Variants in LAMA3 observed in about 807,000 individuals in gnomAD.
The protein encoded by LAMA3 is laminin subunit alpha 3.
LAMA3 carries 281 observed loss-of-function variants against 402.0 expected under a neutral mutation model. That is an observed-to-expected ratio of 0.70 (90% CI 0.63 to 0.77). The LOEUF (loss-of-function observed/expected upper bound fraction) is 0.77. LAMA3 is among the 30% of genes least tolerant of loss of function. The probability of loss-of-function intolerance (pLI) is 0.00; values close to 1 mark genes in which losing one functional copy is unlikely to be tolerated. For missense variants in LAMA3, 3,840 were observed against 4,215.5 expected, an observed-to-expected ratio of 0.91 and a Z score of 2.47; for synonymous variants, 1,431 against 1,558.4, an observed-to-expected ratio of 0.92 and a Z score of 1.93.
chr18:23,807,945 A>G lies in LAMA3; in HGVS notation c.1604-2421A>G, dbSNP rs558936572. 2.9e-4 allele frequency among the ~76,000 whole-genome samples: 44 copies of G among 152,304 alleles called. No individual in the cohort carries two copies. The East Asian group carries it at 7.9e-3, about 27-fold the overall frequency. ...AACCTCTGCAGACAGGCCAGCTGGG[A>G]CTATGGGCCATGAGAGAAGACAGGT... On this transcript the variant is annotated intron_variant, in intron 12 of 74. Coordinates refer to ENST00000313654, the MANE Select transcript of LAMA3 (RefSeq NM_198129.4).
intron 7 of LAMA3, among the ~76,000 whole-genome samples, chr18:23,762,620 G>A (rs576414885): frequency 2.0e-5 from 3 of 151,956 alleles, no homozygotes; most frequent in Non-Finnish European, 4.4e-5. Context: ...ACCAAAATGA[G>A]GATAGCTGCC....
At chr18:23,856,003 G>A (rs749028295) in intron 32 of LAMA3, among the ~76,000 whole-genome samples, 9 of 152,162 alleles carry the variant, frequency 5.9e-5, no homozygotes, top group Non-Finnish European at 1.2e-4. Context: ...AAATACTTAC[G>A]TGTGTGCAAG....
rs765342997 is a variant in LAMA3 at position 23,879,035 on chromosome 18, C to T, written c.5112+2628C>T. Among the ~76,000 whole-genome samples the T allele has an allele frequency of 1.3e-5, 2 of 151,932 alleles. No homozygotes were observed. The highest frequency in any genetic ancestry group is 2.4e-5 in the African/African-American group (1 of 41,326). The stretch of plus-strand genomic sequence containing the variant: ...CCCCGTCACCCCTTATTTTCCTCTC[C>T]GTTCCTATTTCCCTCCCCTTTTCTT... On this transcript the variant is annotated intron_variant, in intron 39 of 74. Coordinates refer to ENST00000313654, the MANE Select transcript of LAMA3 (RefSeq NM_198129.4). This position sits in a 1 kb window ranked among gnomAD's most constrained non-coding sequence, Gnocchi z 4.2.
Position 23,871,550 on chromosome 18 carries a change from C to T in LAMA3, c.4887C>T (p.Leu1629=), listed in dbSNP as rs774878717. 5 of 1,614,102 alleles carry T rather than the reference C, an allele frequency of 3.1e-6. No individual in the cohort carries two copies. Among genetic ancestry groups the T allele is most frequent in the African/African-American group, 1.3e-5 (1 of 74,934 alleles). ...QGLYFTETQR[L]TLSEVGLEEA... ...TCTACTTCACAGAGACTCAAAGGCT[C>T]ACCCTGAGCGAGGTGGGGCTAGAGG... Residue 1629 remains leucine (L), a synonymous_variant, in exon 38 of 75, where the codon CTC becomes CTT. Transcript: ENST00000313654.
At position 23,694,408 on chromosome 18, in the gene LAMA3, G is replaced by C. The variant is rs115942299; in HGVS notation, c.294+4431G>C. Among the ~76,000 whole-genome samples, 1,092 of 152,300 alleles carry C rather than the reference G, an allele frequency of 7.2e-3. 9 individuals carry two copies. The highest frequency in any genetic ancestry group is 0.025 in the African/African-American group (1,025 of 41,562). On this transcript the variant is annotated intron_variant, in intron 1 of 74. Transcript: ENST00000313654. ...TAGTAATGAGGGGCTTTGCTCCCCT[G>C]CTTAATGCAGGGTATTGATTTAACA...
chr18:23,815,294 T>G (rs1436914443), intron 16 of LAMA3, 54 bp downstream of exon 16: 1 of 1,541,414 alleles, frequency 6.5e-7, no homozygotes, highest in East Asian at 2.3e-5. Flanking sequence ...AGCAACTGCT[T>G]GTGGGGTTTC....
chr18:23,894,782 A>G (rs746847343), intron 43 of LAMA3, 125 bp from the exon 44 acceptor site: 77 of 1,189,100 alleles, frequency 6.5e-5, no homozygotes, highest in Non-Finnish European at 9.3e-5. Flanking sequence ...TGAGAAGGCC[A>G]GGGCTGTGGT....
rs2063813711 is a variant in LAMA3, at chr18:23,846,315, A to G, written c.3738A>G (p.Arg1246=). Residue 1246 remains arginine (R), a synonymous_variant, in exon 31 of 75, where the codon AGA becomes AGG. Coordinates refer to ENST00000313654, the MANE Select transcript of LAMA3 (RefSeq NM_198129.4). ...SFYLDPQTAS[R]FCKNSARSLV... ...TCCACAGCCCCCAGACAGCCTCCAG[A>G]TTCTGTAAGAATTCCGCCAGGTCCC... The G allele has an allele frequency of 6.2e-7, 1 of 1,614,076 alleles. No individual in the cohort carries two copies. The highest frequency in any genetic ancestry group is 8.5e-7 in the Non-Finnish European group (1 of 1,180,046).
chr18:23,894,475 ACTT>A (rs2080804930), intron 43 of LAMA3, 127 bp downstream of exon 43: 1 of 820,776 alleles, frequency 1.2e-6, no homozygotes, highest in Admixed American at 1.9e-5. Context: ...TGGAAGGACT[ACTT>A]AGGGTCAAAT....
chr18:23,838,922 T>C (rs1317370044), intron 26 of LAMA3, 44 bp downstream of exon 26: 3 of 1,145,968 alleles, frequency 2.6e-6, no homozygotes, highest in Non-Finnish European at 4.0e-6. Flanking sequence ...TTCTGAGTGA[T>C]ACTGGGATGA....
At chr18:23,801,360 C>T (rs1179501196) in intron 12 of LAMA3, among the ~76,000 whole-genome samples, 2 of 152,076 alleles carry the variant, frequency 1.3e-5, no homozygotes, top group Non-Finnish European at 2.9e-5. Flanking sequence ...TGCTCAGTAC[C>T]TGGGCGATTT....
chr18:23,769,946 G>A (rs972425821), intron 8 of LAMA3, among the ~76,000 whole-genome samples: 2 of 152,210 alleles, frequency 1.3e-5, no homozygotes, highest in African/African-American at 4.8e-5. Context: ...AACATTAGAA[G>A]GATAGAGTAA....
chr18:23,914,413 TCC>T lies in LAMA3; in HGVS notation c.7335_7336del (p.Arg2446GlyfsTer22). 6.2e-7 allele frequency: 1 copy of T among 1,614,046 alleles called. No individual in the cohort carries two copies. Among genetic ancestry groups the T allele is most frequent in the South Asian group, 1.1e-5 (1 of 91,086 alleles). On this transcript the variant is annotated frameshift_variant, in exon 57 of 75. Coordinates refer to ENST00000313654, the MANE Select transcript of LAMA3 (RefSeq NM_198129.4). LOFTEE classifies it high-confidence loss of function. ...TGAGGTGGCCCTTTGTCTCCAGGCCTCCCGGGACTACATCGGCATGGCAGTTG... is the reference window on the plus strand; with the variant it reads ...TGAGGTGGCCCTTTGTCTCCAGGCCTCGGGACTACATCGGCATGGCAGTTG... ...FVMYLGNKDA[S>X]RDYIGMAVVD...
chr18:23,900,705 G>A lies in LAMA3; in HGVS notation c.6005-422G>A, dbSNP rs150014315. ...ATCAGTGGTTAATATACAGATACTA[G>A]CAGTTTTCTTGCTTAAATTTTTATT... is the stretch of plus-strand genomic sequence containing the variant. On this transcript the variant is annotated intron_variant, in intron 47 of 74. Coordinates refer to ENST00000313654, the MANE Select transcript of LAMA3 (RefSeq NM_198129.4). Among the ~76,000 whole-genome samples, 3 of 152,096 alleles carry A rather than the reference G, an allele frequency of 2.0e-5. No homozygotes were observed. The South Asian group carries it at 6.2e-4, about 32-fold the overall frequency.
chr18:23,713,392 A>G (rs527316700), intron 1 of LAMA3, among the ~76,000 whole-genome samples: 1 of 152,316 alleles, frequency 6.6e-6, no homozygotes, highest in South Asian at 2.1e-4. Flanking sequence ...CTCTTTCACC[A>G]TGGAATATCT....
chr18:23,733,931 T>C (rs2061432639), intron 2 of LAMA3, among the ~76,000 whole-genome samples: 1 of 152,236 alleles, frequency 6.6e-6, no homozygotes, highest in African/African-American at 2.4e-5. Context: ...TCCAGAATTA[T>C]AGCCTGGGAA....
In LAMA3 at chr18:23,954,623, G is replaced by A; in HGVS notation, c.9977G>A (p.Ser3326Asn). ...GCCTTGGAAGTCCAGGGGCCTGTCAGTCTGAATGGTTGTCCTGACCAGTAA... is the reference window on the plus strand; with the variant it reads ...GCCTTGGAAGTCCAGGGGCCTGTCAATCTGAATGGTTGTCCTGACCAGTAA... ...TEALEVQGPV[S>N]LNGCPDQ Residue 3326 changes from serine (S) to asparagine (N), a missense_variant, in exon 75 of 75, where the codon AGT (serine) becomes AAT (asparagine). By Grantham distance (46) the Ser-to-Asn change is conservative (BLOSUM62 1). This residue lies in a region of LAMA3 where 840 missense variants were observed against 981.9 expected (regional missense o/e 0.86). Transcript: ENST00000313654. 1 of 1,614,058 alleles carries A rather than the reference G, an allele frequency of 6.2e-7. No homozygotes were observed. The highest frequency in any genetic ancestry group is 8.5e-7 in the Non-Finnish European group (1 of 1,179,992).
intron 7 of LAMA3, among the ~76,000 whole-genome samples, chr18:23,759,851 C>G (rs2143698121): frequency 6.6e-6 from 1 of 152,242 alleles, no homozygotes; most frequent in East Asian, 1.9e-4. Context: ...CAGGGAAATG[C>G]TCTGGCGCAC....
At chr18:23,752,753 G>A (rs1320562905) in intron 5 of LAMA3, among the ~76,000 whole-genome samples, 1 of 152,122 alleles carries the variant, frequency 6.6e-6, no homozygotes, top group African/African-American at 2.4e-5. Context: ...GTTTTAATTA[G>A]GGAACCAGAA....
Sources: gnomAD v4.1 joint callset for allele counts (sites outside exome capture counted in the v4.1 genomes callset) on GRCh38, gnomAD v4.1.1 for gene constraint, gnomAD v4.1.1 regional missense constraint, Gnocchi (gnomAD v3.1) non-coding constraint, MANE v1.5 for transcripts, NCBI Gene and HGNC (gene_info 2026-07-23, HGNC 2026-07-21) for gene names.